COL23A1: variants seen among roughly 807,000 people sequenced by gnomAD.
The protein encoded by COL23A1 is collagen type XXIII alpha 1 chain, also known as collagen alpha-1(XXIII) chain.
A neutral mutation model predicts 99.3 loss-of-function variants in COL23A1; 97 were observed. The observed-to-expected ratio is 0.98, with a 90% CI of 0.83 to 1.16. The LOEUF (loss-of-function observed/expected upper bound fraction) is 1.16, where lower values mean the gene tolerates loss of function less well. COL23A1 is among the 50% of genes most tolerant of loss of function. The probability of loss-of-function intolerance (pLI) is 0.00; values close to 1 mark genes in which losing one functional copy is unlikely to be tolerated. For synonymous variants in COL23A1, 320 were observed against 308.2 expected (o/e 1.04, Z -0.40); for missense variants, 762 against 757.4 (o/e 1.01, Z -0.07).
rs543802146 is a variant in COL23A1 at position 178,575,199 on chromosome 5, C to A, written c.295-14451G>T. On this transcript the variant is annotated intron_variant, in intron 1 of 28. Coordinates refer to ENST00000390654, the MANE Select transcript of COL23A1 (RefSeq NM_173465.4). ...AGTGTCCTCCTTTAGGAAACAGGAA[C>A]CTCCAGGTCTTAACTACTATCCTGG... 8.5e-5 allele frequency among the ~76,000 whole-genome samples: 13 copies of A among 152,284 alleles called. No individual in the cohort carries two copies. In the East Asian group the frequency reaches 2.3e-3, roughly 27 times the overall value.
intron 2 of COL23A1, among the ~76,000 whole-genome samples, chr5:178,332,757 G>A (rs924332110): frequency 2.0e-5 from 3 of 151,940 alleles, no homozygotes; most frequent in Admixed American, 6.6e-5. Flanking sequence ...GGTGATCGAC[G>A]CTCGACTTCC....
intron 1 of COL23A1, among the ~76,000 whole-genome samples, chr5:178,567,980 G>C (rs1762917363): frequency 6.6e-6 from 1 of 152,166 alleles, no homozygotes; most frequent in African/African-American, 2.4e-5. Flanking sequence ...TTATAATGGA[G>C]AAATCTGGCA....
At chr5:178,520,071 G>A (rs1382003483) in intron 2 of COL23A1, among the ~76,000 whole-genome samples, 1 of 152,180 alleles carries the variant, frequency 6.6e-6, no homozygotes, top group East Asian at 1.9e-4. Context: ...ATGGATGGAT[G>A]GATGGATAGA....
chr5:178,525,992 G>GT lies in COL23A1; in HGVS notation c.361+34689dup, dbSNP rs201992507. ...GCAAACTCATACAAACTTGAAGATG[G>GT]TAACAGCTTGAGGTAGTCAGCACTG... On this transcript the variant is annotated intron_variant, in intron 2 of 28. Coordinates refer to ENST00000390654, the MANE Select transcript of COL23A1 (RefSeq NM_173465.4). Among the ~76,000 whole-genome samples, 1,325 of 150,178 alleles carry GT rather than the reference G, an allele frequency of 8.8e-3. 19 individuals carry two copies. The highest frequency in any genetic ancestry group is 0.032 in the African/African-American group (1,276 of 39,548).
At chr5:178,551,068 G>T (rs1172215999) in intron 2 of COL23A1, among the ~76,000 whole-genome samples, 1 of 60,470 alleles carries the variant, frequency 1.7e-5, no homozygotes, top group Non-Finnish European at 4.6e-5. Flanking sequence ...ACCAGAGCAG[G>T]TGGTTAACTT....
In COL23A1 at chr5:178,365,660, TCTC is replaced by T. The variant is rs778767733; in HGVS notation, c.362-58744_362-58742del. Reference sequence around the variant, plus strand: ...GCCAGGCATGCAGTGGCCCCTCTCTTCTCCTCGACAACTGCGTGCTGTTCCCGG... The same window carrying T: ...GCCAGGCATGCAGTGGCCCCTCTCTTCTCGACAACTGCGTGCTGTTCCCGG... On this transcript the variant is annotated intron_variant, in intron 2 of 28. Coordinates refer to ENST00000390654, the MANE Select transcript of COL23A1 (RefSeq NM_173465.4). The surrounding 1 kb of genome is among the most constrained non-coding windows in gnomAD (Gnocchi z 5.2). Among the ~76,000 whole-genome samples, 17 of 152,108 alleles carry T rather than the reference TCTC, an allele frequency of 1.1e-4. No homozygotes were observed. The highest frequency in any genetic ancestry group is 5.8e-4 in the East Asian group (3 of 5,182).
At chr5:178,391,061 C>T (rs749955233) in intron 2 of COL23A1, among the ~76,000 whole-genome samples, 4 of 152,200 alleles carry the variant, frequency 2.6e-5, no homozygotes, top group Non-Finnish European at 5.9e-5. Flanking sequence ...TGAGCATTAC[C>T]GCCTGAGCTC....
At chr5:178,535,970 G>C (rs1043537205) in intron 2 of COL23A1, among the ~76,000 whole-genome samples, 2 of 152,260 alleles carry the variant, frequency 1.3e-5, no homozygotes, top group African/African-American at 4.8e-5. Context: ...ACCCGAGAGG[G>C]TCATGACCCA....
chr5:178,262,322 C>T, intron 9 of COL23A1, 70 bp from the exon 10 acceptor site: 3 of 1,473,144 alleles, frequency 2.0e-6, no homozygotes, highest in Non-Finnish European at 2.8e-6. Context: ...AAATCTCAGG[C>T]CAGACCCCGG....
At chr5:178,501,819 C>T (rs1005100283) in intron 2 of COL23A1, among the ~76,000 whole-genome samples, 2 of 152,196 alleles carry the variant, frequency 1.3e-5, no homozygotes, top group Non-Finnish European at 2.9e-5. Flanking sequence ...CAGGAACTCC[C>T]ACCCAGCCAG....
chr5:178,241,275 GCCT>G (rs1764382820), intron 27 of COL23A1, among the ~76,000 whole-genome samples: 1 of 152,090 alleles, frequency 6.6e-6, no homozygotes. Flanking sequence ...AGGCACCAGT[GCCT>G]GAAACCACTG....
At chr5:178,512,450 T>C (rs1759258784) in intron 2 of COL23A1, among the ~76,000 whole-genome samples, 1 of 152,224 alleles carries the variant, frequency 6.6e-6, no homozygotes, top group African/African-American at 2.4e-5. Flanking sequence ...GTCCACCCTG[T>C]GGCAGGTGCA....
At chr5:178,417,591 A>T (rs1030370207) in intron 2 of COL23A1, among the ~76,000 whole-genome samples, 1 of 152,142 alleles carries the variant, frequency 6.6e-6, no homozygotes, top group Non-Finnish European at 1.5e-5. Flanking sequence ...AAACCACAGG[A>T]TCCATATCAG....
rs116900334 is a variant in COL23A1 at position 178,472,571 on chromosome 5, C to T, written c.361+88111G>A. Among the ~76,000 whole-genome samples, 227 of 152,286 alleles carry T rather than the reference C, an allele frequency of 1.5e-3. 6 individuals are homozygous for T. The East Asian group carries it at 0.025, about 17-fold the overall frequency. On this transcript the variant is annotated intron_variant, in intron 2 of 28. Coordinates refer to ENST00000390654, the MANE Select transcript of COL23A1 (RefSeq NM_173465.4). ...CTGTCAATATTAATAATATTAGCAA[C>T]GGCTGCAGCAGCATCCATGGGTGCC...
intron 2 of COL23A1, among the ~76,000 whole-genome samples, chr5:178,402,082 CTGGA>C (rs1024841631): frequency 1.1e-4 from 16 of 152,198 alleles, no homozygotes; most frequent in Non-Finnish European, 1.5e-5. Flanking sequence ...TACCAAAGTG[CTGGA>C]ATTACAGGTG....
chr5:178,318,948 G>A (rs1759131557), intron 2 of COL23A1, among the ~76,000 whole-genome samples: 1 of 151,986 alleles, frequency 6.6e-6, no homozygotes, highest in Non-Finnish European at 1.5e-5. Flanking sequence ...GAGGTCAGGT[G>A]AACCTGAATA....
intron 2 of COL23A1, among the ~76,000 whole-genome samples, chr5:178,358,324 G>C (rs1561897292): frequency 6.7e-6 from 1 of 149,278 alleles, no homozygotes; most frequent in African/African-American, 2.5e-5. Context: ...GTATGTGTAT[G>C]TGTATGTATG....
intron 2 of COL23A1, among the ~76,000 whole-genome samples, chr5:178,521,928 G>A (rs1020693078): frequency 3.9e-5 from 6 of 152,174 alleles, no homozygotes; most frequent in Non-Finnish European, 8.8e-5. Context: ...ATACGTAGTG[G>A]TGATGGTAGC....
intron 2 of COL23A1, among the ~76,000 whole-genome samples, chr5:178,509,812 A>C (rs922666625): frequency 4.6e-5 from 7 of 152,338 alleles, no homozygotes; most frequent in African/African-American, 1.7e-4. Flanking sequence ...ACACTGGATC[A>C]TTAGCCATTA....
Sources: allele counts gnomAD v4.1 joint callset (sites outside exome capture counted in the v4.1 genomes callset), GRCh38; gene constraint gnomAD v4.1.1; non-coding constraint Gnocchi (gnomAD v3.1); transcripts MANE v1.5; gene names NCBI Gene and HGNC (gene_info 2026-07-23, HGNC 2026-07-21).